The following SYNPR variants were observed in gnomAD, a reference collection of about 807,000 sequenced individuals.
SYNPR encodes the protein synaptoporin.
In SYNPR, 23 loss-of-function variants were observed where a neutral mutation model predicts 32.9. That is an observed-to-expected ratio of 0.70 (90% CI 0.50 to 0.99). SYNPR has a LOEUF of 0.99. SYNPR is among the 50% of genes least tolerant of loss of function. The probability of loss-of-function intolerance (pLI) is 0.00; values close to 1 mark genes in which losing one functional copy is unlikely to be tolerated. For synonymous variants in SYNPR, 146 were observed against 135.9 expected, an observed-to-expected ratio of 1.07 and a Z score of -0.52; for missense variants, 318 against 349.3, an observed-to-expected ratio of 0.91 and a Z score of 0.71.
chr3:63,562,156 T>C lies in SYNPR; in HGVS notation c.408+5415T>C, dbSNP rs73834611. ...GGTTATATCATTTTGTCATGTTCCT[T>C]ATAGTTTTAAAAGCCAATCTCCTGC... On this transcript the variant is annotated intron_variant, in intron 4 of 5. Transcript: ENST00000478300. Among the ~76,000 whole-genome samples the C allele has an allele frequency of 1.5e-3, 225 of 152,284 alleles. 1 individual carries two copies. The highest frequency in any genetic ancestry group is 5.0e-3 in the African/African-American group (207 of 41,566).
chr3:63,413,007 G>C (rs1268179656), intron 2 of SYNPR, among the ~76,000 whole-genome samples: 1 of 151,940 alleles, frequency 6.6e-6, no homozygotes, highest in Non-Finnish European at 1.5e-5. Flanking sequence ...GTGCCTTCAG[G>C]GTTCCAAGTG....
chr3:63,467,279 C>G (rs1700702564), intron 2 of SYNPR, among the ~76,000 whole-genome samples: 2 of 152,302 alleles, frequency 1.3e-5, no homozygotes, highest in Admixed American at 1.3e-4. Flanking sequence ...GTCTTCTCTT[C>G]TACACTTTGG....
chr3:63,293,603 G>A (rs962535048), intron 2 of SYNPR, among the ~76,000 whole-genome samples: 3 of 152,176 alleles, frequency 2.0e-5, no homozygotes, highest in African/African-American at 4.8e-5. Context: ...TTTTCTCACA[G>A]TTCTGGAGAC....
At chr3:63,364,702 A>T (rs920782256) in intron 2 of SYNPR, among the ~76,000 whole-genome samples, 27 of 152,164 alleles carry the variant, frequency 1.8e-4, no homozygotes, top group African/African-American at 6.5e-4. Context: ...TACTTGTATT[A>T]TTAAGACTTC....
chr3:63,222,567 A>C, the SYNPR span, among the ~76,000 whole-genome samples: 1 of 151,886 alleles, frequency 6.6e-6, no homozygotes, highest in Non-Finnish European at 1.5e-5. Context: ...CTCAGGGTGG[A>C]GTGCTGTGGT....
At chr3:63,421,671 G>T (rs1417270627) in intron 2 of SYNPR, among the ~76,000 whole-genome samples, 2 of 152,128 alleles carry the variant, frequency 1.3e-5, no homozygotes, top group Non-Finnish European at 2.9e-5. Flanking sequence ...TTTCCATGGG[G>T]CAAGAGTTAC....
chr3:63,237,686 C>T (rs568781466), intron 1 of SYNPR, among the ~76,000 whole-genome samples: 3 of 152,190 alleles, frequency 2.0e-5, no homozygotes, highest in Admixed American at 1.3e-4. Flanking sequence ...CATTTTATCA[C>T]ATTTAAGTTT....
At chr3:63,332,317 C>T (rs1474041022) in intron 2 of SYNPR, among the ~76,000 whole-genome samples, 11 of 152,314 alleles carry the variant, frequency 7.2e-5, no homozygotes, top group East Asian at 1.9e-4. Flanking sequence ...CTGCCACCCT[C>T]CATCCTCAGG....
intron 2 of SYNPR, among the ~76,000 whole-genome samples, chr3:63,424,144 C>G (rs1019367816): frequency 1.3e-5 from 2 of 152,090 alleles, no homozygotes; most frequent in African/African-American, 4.8e-5. Flanking sequence ...AATGTTAGTT[C>G]ATTAATTGTG....
chr3:63,365,981 T>G (rs921179870), intron 2 of SYNPR, among the ~76,000 whole-genome samples: 3 of 152,208 alleles, frequency 2.0e-5, no homozygotes, highest in Non-Finnish European at 4.4e-5. Flanking sequence ...CCTTCTTTCC[T>G]TTGCTGCAGC....
At chr3:63,263,720 A>G (rs542266609) in intron 2 of SYNPR, among the ~76,000 whole-genome samples, 2 of 152,314 alleles carry the variant, frequency 1.3e-5, no homozygotes, top group African/African-American at 4.8e-5. Flanking sequence ...TTTCACCATG[A>G]GCATCTAGGA....
intron 2 of SYNPR, among the ~76,000 whole-genome samples, chr3:63,412,370 G>A (rs1313947068): frequency 1.3e-5 from 2 of 152,102 alleles, no homozygotes. Flanking sequence ...GCTAGAATCT[G>A]AGCAAATCCA....
At chr3:63,201,977 C>A in the SYNPR span, among the ~76,000 whole-genome samples, 1 of 152,154 alleles carries the variant, frequency 6.6e-6, no homozygotes, top group Non-Finnish European at 1.5e-5. Flanking sequence ...GTTAGAATGC[C>A]TTTTTGATAA....
rs1414210977 is a variant in SYNPR, at chr3:63,530,068, TGTGAGGGCCA to T, written c.210-26469_210-26460del. ...ACCCCTGCACCCTGACCCCCATGCC[TGTGAGGGCCA>T]GTGAGTATTCCCATGACCAAGGGAG... On this transcript the variant is annotated intron_variant, in intron 3 of 5. Coordinates refer to ENST00000478300, the MANE Select transcript of SYNPR (RefSeq NM_001130003.2). Among the ~76,000 whole-genome samples the T allele has an allele frequency of 3.3e-5, 5 of 152,068 alleles. No individual in the cohort carries two copies. The East Asian group carries it at 9.7e-4, about 29-fold the overall frequency.
At chr3:63,540,930 AACACACACACAC>A (rs58295090) in intron 3 of SYNPR, among the ~76,000 whole-genome samples, 5 of 122,856 alleles carry the variant, frequency 4.1e-5, no homozygotes, top group East Asian at 4.9e-4. Context: ...TCCCCCCCCC[AACACACACACAC>A]ACACACACAC....
At chr3:63,227,193 G>T (rs1354657466), upstream of SYNPR, among the ~76,000 whole-genome samples, 3 of 152,222 alleles carry the variant, frequency 2.0e-5, no homozygotes, top group Non-Finnish European at 4.4e-5. Flanking sequence ...CCCACAGTCT[G>T]TTAGTGATTA....
chr3:63,258,552 T>C (rs1188341229), intron 2 of SYNPR, among the ~76,000 whole-genome samples: 2 of 152,120 alleles, frequency 1.3e-5, no homozygotes, highest in African/African-American at 4.8e-5. Flanking sequence ...TACCAGAATC[T>C]CTGGGGCATA....
intron 2 of SYNPR, among the ~76,000 whole-genome samples, chr3:63,474,485 G>A (rs541701102): frequency 6.6e-6 from 1 of 152,286 alleles, no homozygotes; most frequent in East Asian, 1.9e-4. Flanking sequence ...TGGAAAAGGA[G>A]TGAATCAACA....
chr3:63,255,674 C>A (rs111463225), intron 2 of SYNPR, among the ~76,000 whole-genome samples: 3 of 152,100 alleles, frequency 2.0e-5, no homozygotes, highest in African/African-American at 7.2e-5. Context: ...GTGTGAGCGA[C>A]GCAGAAGATG....
Sources: allele counts gnomAD v4.1 joint callset (sites outside exome capture counted in the v4.1 genomes callset), GRCh38; gene constraint gnomAD v4.1.1; transcripts MANE v1.5; gene names NCBI Gene and HGNC (gene_info 2026-07-23, HGNC 2026-07-21).